ANKS1B: variants seen among roughly 807,000 people sequenced by gnomAD.
The protein encoded by ANKS1B is ankyrin repeat and sterile alpha motif domain-containing protein 1B.
In ANKS1B, 36 loss-of-function variants were observed where a neutral mutation model predicts 148.3. That is an observed-to-expected ratio of 0.24 (90% confidence interval 0.19 to 0.32). The LOEUF is 0.32. ANKS1B is among the 10% of genes least tolerant of loss of function. The pLI, the probability that ANKS1B is intolerant of heterozygous loss-of-function variation, is 1.00. For missense variants in ANKS1B, 1,157 were observed against 1,542.6 expected (o/e 0.75, Z 4.19); for synonymous variants, 542 against 560.8 (o/e 0.97, Z 0.47).
intron 1 of ANKS1B, among the ~76,000 whole-genome samples, chr12:99,837,482 T>G (rs1322626182): frequency 6.6e-6 from 1 of 152,166 alleles, no homozygotes; most frequent in Non-Finnish European, 1.5e-5. Flanking sequence ...AAAGAGAGCA[T>G]GAACAAAACA....
At chr12:99,096,458 A>G (rs1411701714) in intron 15 of ANKS1B, among the ~76,000 whole-genome samples, 1 of 152,192 alleles carries the variant, frequency 6.6e-6, no homozygotes, top group Admixed American at 6.5e-5. Context: ...CTCACATCAC[A>G]ACAATGGGAT....
intron 12 of ANKS1B, among the ~76,000 whole-genome samples, chr12:99,334,129 A>AATAGATAGATAG (rs777484418): frequency 3.1e-3 from 473 of 150,804 alleles, no homozygotes; most frequent in African/African-American, 0.011. Context: ...TGCTCCTCTA[A>AATAGATAGATAG]ATAGATAGAT....
chr12:98,739,239 C>T (rs962222924), downstream of ANKS1B, among the ~76,000 whole-genome samples: 2 of 152,180 alleles, frequency 1.3e-5, no homozygotes, highest in Non-Finnish European at 2.9e-5. Context: ...GCATTTCATT[C>T]GTTACTCACT....
intron 8 of ANKS1B, among the ~76,000 whole-genome samples, chr12:99,689,689 C>G (rs1166450572): frequency 6.6e-6 from 1 of 152,182 alleles, no homozygotes. Context: ...AGTTAGCAGT[C>G]ATGCACTGAG....
intron 20 of ANKS1B, among the ~76,000 whole-genome samples, chr12:98,806,593 A>G (rs536172763): frequency 5.9e-5 from 9 of 152,372 alleles, no homozygotes; most frequent in African/African-American, 2.2e-4. Context: ...AAGGCTTTGA[A>G]GAATGCTATA....
chr12:98,791,567 G>T (rs554190110), intron 22 of ANKS1B, among the ~76,000 whole-genome samples: 3 of 151,728 alleles, frequency 2.0e-5, no homozygotes, highest in Non-Finnish European at 2.9e-5. Flanking sequence ...TTTTTTTAAA[G>T]ATGGGATCTG....
chr12:99,680,660 T>C (rs547090494), intron 8 of ANKS1B, among the ~76,000 whole-genome samples: 1 of 152,042 alleles, frequency 6.6e-6, no homozygotes, highest in Non-Finnish European at 1.5e-5. Flanking sequence ...AGTGTGGACA[T>C]AAACACAGAA....
At chr12:99,854,374 G>A (rs930895897) in intron 1 of ANKS1B, among the ~76,000 whole-genome samples, 1 of 152,122 alleles carries the variant, frequency 6.6e-6, no homozygotes, top group African/African-American at 2.4e-5. Context: ...TTTTAAAAAG[G>A]AACAAAGCCT....
intron 12 of ANKS1B, among the ~76,000 whole-genome samples, chr12:99,345,247 A>G (rs2090501699): frequency 6.6e-6 from 1 of 152,086 alleles, no homozygotes; most frequent in African/African-American, 2.4e-5. Flanking sequence ...TCGTCAGTGG[A>G]CAAGATCTAG....
chr12:99,197,442 C>G (rs1489815304), intron 14 of ANKS1B, among the ~76,000 whole-genome samples: 2 of 151,958 alleles, frequency 1.3e-5, no homozygotes, highest in African/African-American at 4.8e-5. Flanking sequence ...GAATAGTGGC[C>G]CCCAAAGATG....
At chr12:99,010,901 G>GTTTTTTTT (rs1309326368) in intron 17 of ANKS1B, among the ~76,000 whole-genome samples, 2 of 51,306 alleles carry the variant, frequency 3.9e-5, no homozygotes, top group Admixed American at 1.8e-4. Flanking sequence ...GTGAGCTTTT[G>GTTTTTTTT]TTTTTTTTTT....
intron 1 of ANKS1B, among the ~76,000 whole-genome samples, chr12:99,958,543 T>G (rs1415489188): frequency 6.6e-6 from 1 of 152,000 alleles, no homozygotes; most frequent in Non-Finnish European, 1.5e-5. Context: ...CCACCATGCC[T>G]AGCTAATTTT....
intron 9 of ANKS1B, among the ~76,000 whole-genome samples, chr12:99,597,774 G>A (rs73383758): frequency 0.011 from 1,642 of 151,894 alleles, 24 homozygotes; most frequent in African/African-American, 0.038. Flanking sequence ...ATCGAATGGC[G>A]CCTATAAAAT....
intron 1 of ANKS1B, among the ~76,000 whole-genome samples, chr12:99,833,946 GA>G (rs2084419118): frequency 6.6e-6 from 1 of 151,960 alleles, no homozygotes; most frequent in African/African-American, 2.4e-5. Context: ...GTTTAGAATG[GA>G]AAGTTAGCAT....
chr12:99,140,731 T>C (rs1566392444), intron 15 of ANKS1B, among the ~76,000 whole-genome samples: 1 of 152,188 alleles, frequency 6.6e-6, no homozygotes, highest in African/African-American at 2.4e-5. Context: ...TGCAATTGTC[T>C]TTCTAATTCC....
chr12:99,152,798 A>G (rs1266690763), intron 15 of ANKS1B, among the ~76,000 whole-genome samples: 1 of 152,140 alleles, frequency 6.6e-6, no homozygotes, highest in Non-Finnish European at 1.5e-5. Context: ...TGAAATGTAC[A>G]GTAAACATAA....
At chr12:99,441,986 T>C (rs2152790273) in intron 11 of ANKS1B, among the ~76,000 whole-genome samples, 1 of 152,100 alleles carries the variant, frequency 6.6e-6, no homozygotes, top group East Asian at 1.9e-4. Context: ...TAAAAACAAA[T>C]ATATTTAATA....
At chr12:99,802,416 A>G (rs2067059465) in intron 4 of ANKS1B, among the ~76,000 whole-genome samples, 1 of 152,120 alleles carries the variant, frequency 6.6e-6, no homozygotes, top group Admixed American at 6.6e-5. Flanking sequence ...ATTCAACCCT[A>G]CTTTCTTAAT....
chr12:98,781,428 C>G (rs2098735152), intron 23 of ANKS1B: 1 of 621,310 alleles, frequency 1.6e-6, no homozygotes, highest in Non-Finnish European at 3.0e-6. Flanking sequence ...TAAAGTTATC[C>G]GTCTTGCCCT....
Sources: allele counts gnomAD v4.1 joint callset (sites outside exome capture counted in the v4.1 genomes callset), GRCh38; gene constraint gnomAD v4.1.1; transcripts MANE v1.5; gene names NCBI Gene and HGNC (gene_info 2026-07-23, HGNC 2026-07-21).